Variants in PODNL1 observed in about 807,000 individuals in gnomAD.
PODNL1 encodes the protein podocan-like protein 1.
In PODNL1, 50 loss-of-function variants were observed where a neutral mutation model predicts 45.1. That is an observed-to-expected ratio of 1.11 (90% CI 0.88 to 1.40). PODNL1 has a LOEUF of 1.40. Among genes scored for constraint, PODNL1 ranks in the 40% most tolerant of loss-of-function variants. The pLI is 0.00. For missense variants in PODNL1, 788 were observed against 793.3 expected (o/e 0.99, Z 0.08); for synonymous variants, 406 against 372.5 (o/e 1.09, Z -1.04).
chr19:13,936,513 C>A lies in PODNL1; in HGVS notation c.226-53G>T, dbSNP rs1351948798. ...ACCCGTGACCCCGTGACCAAGTGAC[C>A]CCAAGCACTGATTCTCAACTTCCCA... On this transcript the variant is annotated intron_variant, in intron 2 of 9. Coordinates refer to ENST00000588872, the MANE Select transcript of PODNL1 (RefSeq NM_001370095.3). 2.1e-6 allele frequency: 3 copies of A among 1,451,814 alleles called. No individual in the cohort carries two copies. The South Asian group carries it at 3.4e-5, about 17-fold the overall frequency. The allele number at this position is 1,451,814 out of a possible 1,614,324, so 89.9% of individuals were successfully genotyped here.
Position 13,937,955 on chromosome 19 carries a change from C to G in PODNL1, c.55G>C (p.Gly19Arg), listed in dbSNP as rs538215149. ...LLLPGPPPVA[G>R]LEDAAFPHLG... ...TGGGGGAAGGCAGCGTCTTCCAAGC[C>G]GGCGACGGGCGGGGGCCCCGGCAAC... Residue 19 changes from glycine (G) to arginine (R), a missense_variant, in exon 2 of 10, where the codon GGC becomes CGC. Gly to Arg is a moderately radical substitution (Grantham distance 125). Transcript: ENST00000588872. 6.5e-7 allele frequency: 1 copy of G among 1,542,850 alleles called. No individual in the cohort carries two copies.
At chr19:13,943,203 G>A (rs1036178171), upstream of PODNL1, among the ~76,000 whole-genome samples, 2 of 151,896 alleles carry the variant, frequency 1.3e-5, no homozygotes, top group African/African-American at 4.8e-5. Flanking sequence ...GGCTGAGGCA[G>A]AAGAATCACT....
chr19:13,940,274 T>A (rs940810010), upstream of PODNL1, among the ~76,000 whole-genome samples: 11 of 151,412 alleles, frequency 7.3e-5, no homozygotes, highest in Admixed American at 5.3e-4. Flanking sequence ...AAAAATTTTT[T>A]AAAAACTTTG....
chr19:13,933,195 T>C lies in PODNL1; in HGVS notation c.1028A>G (p.Asp343Gly), dbSNP rs1185434552. ...HTLHLYGNGL[D>G]RVPPALPRRL... The stretch of plus-strand genomic sequence containing the variant: ...GCGGGGCAGGGCTGGAGGCACGCGG[T>C]CCAGCCCATTGCCATAGAGGTGCAG... Residue 343 changes from aspartate (D) to glycine (G), a missense_variant, in exon 8 of 10, where the codon GAC becomes GGC. Transcript: ENST00000588872. The surrounding 1 kb of genome is among the most constrained non-coding windows in gnomAD (Gnocchi z 5.2). 2.0e-6 allele frequency: 3 copies of C among 1,536,312 alleles called. No homozygotes were observed. The highest frequency in any genetic ancestry group is 2.6e-6 in the Non-Finnish European group (3 of 1,146,408).
At position 13,936,370 on chromosome 19, in the gene PODNL1, C is replaced by T. The variant is rs138665450; in HGVS notation, c.316G>A (p.Glu106Lys). 174 of 1,611,982 alleles carry T rather than the reference C, an allele frequency of 1.1e-4. No homozygotes were observed. The African/African-American group carries it at 1.9e-3, about 18-fold the overall frequency. ...CCGCCTCCCTCTGCCCCCTCACCTT[C>T]GGAGGAGATGAGGTTGTTGTGGAGG... ...LNLHNNLISS[E>K]GLPDEAFESL... Residue 106 changes from glutamate to lysine, a missense_variant, in exon 3 of 10, where the codon GAA becomes AAA. This residue lies in a region of PODNL1 where 762 missense variants were observed against 750.9 expected (regional missense o/e 1.01). Transcript: ENST00000588872.
rs529178686 is a variant in PODNL1 at position 13,931,784 on chromosome 19, G to C, written c.1678C>G (p.Arg560Gly). 2 of 1,231,764 alleles carry C rather than the reference G, an allele frequency of 1.6e-6. No individual in the cohort carries two copies. Among genetic ancestry groups the C allele is most frequent in the Admixed American group, 4.2e-5 (1 of 23,696 alleles). The allele number at this position is 1,231,764 out of a possible 1,614,324, so 76.3% of individuals were successfully genotyped here. ...TAGNPEQVLI[R>G]LPPTTPRGPR... ...CCACGTGGGGTGGTGGGAGGCAGCCGGATCAGGACCTGCTCCGGATTCCCT... is the reference window on the plus strand; with the variant it reads ...CCACGTGGGGTGGTGGGAGGCAGCCCGATCAGGACCTGCTCCGGATTCCCT... Residue 560 changes from arginine to glycine, a missense_variant, in exon 10 of 10, where the codon CGG becomes GGG. Around this residue, in one of 3 missense-constraint regions of PODNL1, gnomAD observed 9 missense variants for 25.6 expected, o/e 0.35. Transcript: ENST00000588872.
At chr19:13,940,221 T>G (rs1035781876), upstream of PODNL1, among the ~76,000 whole-genome samples, 5 of 151,000 alleles carry the variant, frequency 3.3e-5, no homozygotes, top group African/African-American at 1.2e-4. Context: ...GCCCAGGAGT[T>G]TGAGACCAGC....
intron 3 of PODNL1, 90 bp from the exon 4 acceptor site, chr19:13,936,134 C>A: frequency 8.1e-7 from 1 of 1,236,348 alleles, no homozygotes; most frequent in Admixed American, 2.1e-5. Flanking sequence ...GACTCTCGGC[C>A]GGGGAACTGG....
At chr19:13,949,872 A>AT (rs137932219) in intron 1 of PODNL1, among the ~76,000 whole-genome samples, 22,488 of 148,604 alleles carry the variant, frequency 0.15, 1,832 homozygotes, top group Middle Eastern at 0.25. Context: ...TTATTTATTT[A>AT]TTTTTTTTTT....
chr19:13,940,870 C>G (rs528173702), upstream of PODNL1, among the ~76,000 whole-genome samples: 4 of 149,396 alleles, frequency 2.7e-5, no homozygotes, highest in South Asian at 2.1e-4. Flanking sequence ...GGCTATGGTG[C>G]GAGACTCTGT....
rs750044566 is a variant in PODNL1 at position 13,936,357 on chromosome 19, G to T, written c.319+10C>A. The T allele has an allele frequency of 6.2e-7, 1 of 1,607,554 alleles. No individual in the cohort carries two copies. Among genetic ancestry groups the T allele is most frequent in the South Asian group, 1.1e-5 (1 of 90,948 alleles). On this transcript the variant is annotated intron_variant, in intron 3 of 9. Coordinates refer to ENST00000588872, the MANE Select transcript of PODNL1 (RefSeq NM_001370095.3). ...AGCCCCAGAGAGGCCGCCTCCCTCT[G>T]CCCCCTCACCTTCGGAGGAGATGAG...
chr19:13,944,017 A>G (rs1350966391), intron 1 of PODNL1, among the ~76,000 whole-genome samples: 2 of 152,062 alleles, frequency 1.3e-5, no homozygotes, highest in Non-Finnish European at 2.9e-5. Flanking sequence ...GATGCTAACA[A>G]TGTAGATCAT....
At chr19:13,941,870 C>T (rs568210953), upstream of PODNL1, among the ~76,000 whole-genome samples, 1 of 152,174 alleles carries the variant, frequency 6.6e-6, no homozygotes, top group East Asian at 1.9e-4. Context: ...TTCATGTTTC[C>T]TAGGGCTGTG....
chr19:13,934,170 G>T, intron 6 of PODNL1, 84 bp downstream of exon 6: 2 of 1,426,936 alleles, frequency 1.4e-6, no homozygotes. Flanking sequence ...CAATTGAGAA[G>T]AATGGAAAGC....
At chr19:13,932,538 G>T (rs1322275417) in intron 8 of PODNL1, 1 of 885,382 alleles carries the variant, frequency 1.1e-6, no homozygotes, top group Non-Finnish European at 1.7e-6. Flanking sequence ...TGTTTTTTTG[G>T]TAGAGATAGG....
At position 13,938,226 on chromosome 19, in the gene PODNL1, C is replaced by A. The variant is rs115766645; in HGVS notation, c.-45G>T. 2,537 of 1,603,614 alleles carry A rather than the reference C, an allele frequency of 1.6e-3. 24 individuals carry two copies. In the African/African-American group the frequency reaches 0.028, roughly 18 times the overall value. On this transcript the variant is annotated 5_prime_UTR_variant, in exon 1 of 10. Transcript: ENST00000588872. Reference sequence around the variant, plus strand: ...ATCTCGCCCAAGCTGCTGACCAGGACTTCCTAATGGAAACCAGGCGGTCAC... The same window carrying A: ...ATCTCGCCCAAGCTGCTGACCAGGAATTCCTAATGGAAACCAGGCGGTCAC...
chr19:13,934,441 T>TGCCCCTCGCCTCCTACCACCCC, intron 5 of PODNL1, 31 bp from the exon 6 acceptor site: 1 of 1,470,640 alleles, frequency 6.8e-7, no homozygotes, highest in Non-Finnish European at 9.0e-7. Flanking sequence ...GCCACCAGCC[T>TGCCCCTCGCCTCCTACCACCCC]GCCCCTCGCC....
chr19:13,933,953 C>A lies in PODNL1; in HGVS notation c.692G>T (p.Arg231Leu), dbSNP rs1366737632. 1.2e-6 allele frequency: 2 copies of A among 1,611,964 alleles called. No homozygotes were observed. Among genetic ancestry groups the A allele is most frequent in the South Asian group, 1.1e-5 (1 of 90,548 alleles). ...ISKVPRGALS[R>L]QTQLRELYLQ... The stretch of plus-strand genomic sequence containing the variant: ...GTAGAGCTCACGGAGTTGAGTCTGG[C>A]GGCTCAGGGCTCCTCGGGGCACCTT... Residue 231 changes from arginine (R) to leucine (L), a missense_variant, in exon 7 of 10, where the codon CGC becomes CTC. Coordinates refer to ENST00000588872, the MANE Select transcript of PODNL1 (RefSeq NM_001370095.3). The surrounding 1 kb of genome is among the most constrained non-coding windows in gnomAD (Gnocchi z 5.2).
In PODNL1 at chr19:13,931,379, T is replaced by G. The variant is rs960887373; in HGVS notation, c.*358A>C. ...ACCTCAAAATTCAGTCCTGACCCACTTAGCATCCCAGAGCCTCAGTTTCCC... is the reference window on the plus strand; with the variant it reads ...ACCTCAAAATTCAGTCCTGACCCACGTAGCATCCCAGAGCCTCAGTTTCCC... On this transcript the variant is annotated 3_prime_UTR_variant, in exon 10 of 10. Transcript: ENST00000588872. 43 of 228,026 alleles carry G rather than the reference T, an allele frequency of 1.9e-4. No individual in the cohort carries two copies. Among genetic ancestry groups the G allele is most frequent in the African/African-American group, 8.8e-4 (39 of 44,252 alleles). 14.1% of individuals were successfully genotyped at this position (228,026 alleles called of 1,614,324 possible).
Sources: gnomAD v4.1 joint callset for allele counts (sites outside exome capture counted in the v4.1 genomes callset) on GRCh38, gnomAD v4.1.1 for gene constraint, gnomAD v4.1.1 regional missense constraint, Gnocchi (gnomAD v3.1) non-coding constraint, MANE v1.5 for transcripts, NCBI Gene and HGNC (gene_info 2026-07-23, HGNC 2026-07-21) for gene names.